Variants in CLIP2 observed in about 807,000 individuals in gnomAD.
CLIP2 encodes CAP-Gly domain-containing linker protein 2.
Under a neutral mutation model 111.7 loss-of-function variants are expected in CLIP2, and 41 were observed. The observed-to-expected ratio is 0.37, with a 90% CI of 0.29 to 0.48. The LOEUF is 0.48. Among genes scored for constraint, CLIP2 ranks in the 20% least tolerant of loss-of-function variants. The probability of loss-of-function intolerance (pLI) is 0.99; values close to 1 mark genes in which losing one functional copy is unlikely to be tolerated. For synonymous variants in CLIP2, 660 were observed against 644.2 expected (o/e 1.02, Z -0.37); for missense variants, 1,160 against 1,422.1 (o/e 0.82, Z 2.96).
intron 1 of CLIP2, among the ~76,000 whole-genome samples, chr7:74,302,102 C>CT (rs1554726957): frequency 6.6e-6 from 1 of 152,096 alleles, no homozygotes; most frequent in African/African-American, 2.4e-5. Context: ...CATGCCAACT[C>CT]TGTGTGTGTG....
Position 74,330,167 on chromosome 7 carries a change from G to A in CLIP2, c.122-8281G>A, listed in dbSNP as rs999838148. On this transcript the variant is annotated intron_variant, in intron 2 of 16. Transcript: ENST00000223398. ...TGATCTTGAACTCCTGGCCTCAAGC[G>A]ATCCTCCTGCCTCAGCCTCCTCAGT... Among the ~76,000 whole-genome samples the A allele has an allele frequency of 2.7e-5, 4 of 150,018 alleles. No homozygotes were observed. In the South Asian group the frequency reaches 6.4e-4, roughly 24 times the overall value.
At chr7:74,384,213 C>G (rs1169104402) in intron 11 of CLIP2, among the ~76,000 whole-genome samples, 2 of 151,838 alleles carry the variant, frequency 1.3e-5, no homozygotes, top group Admixed American at 1.3e-4. Context: ...GACAACAAAA[C>G]AAAACAAAAA....
chr7:74,357,397 C>G lies in CLIP2; in HGVS notation c.1135C>G (p.Arg379Gly), dbSNP rs781844593. 3 of 1,612,974 alleles carry G rather than the reference C, an allele frequency of 1.9e-6. No homozygotes were observed. Among genetic ancestry groups the G allele is most frequent in the Non-Finnish European group, 2.5e-6 (3 of 1,179,788 alleles). Residue 379 changes from arginine (R) to glycine (G), a missense_variant, in exon 6 of 17, where the codon CGG becomes GGG. Arg to Gly is a moderately radical substitution (Grantham distance 125). This residue lies in a region of CLIP2 where 70 missense variants were observed against 114.9 expected (regional missense o/e 0.61). Coordinates refer to ENST00000223398, the MANE Select transcript of CLIP2 (RefSeq NM_003388.5). ...EQLLAERDLE[R>G]AEVAKATSHI... ...GCTGCTGGCTGAACGAGACCTGGAA[C>G]GGGCTGAGGTGGCCAAGGCCACAAG...
chr7:74,389,337 A>G (rs1791210513), intron 13 of CLIP2, 78 bp downstream of exon 13: 4 of 1,406,052 alleles, frequency 2.8e-6, no homozygotes, highest in Non-Finnish European at 3.8e-6. Flanking sequence ...AGCTCATGTT[A>G]TCTTGGGGCA....
intron 16 of CLIP2, among the ~76,000 whole-genome samples, chr7:74,402,445 A>G (rs368881351): frequency 9.2e-5 from 14 of 152,174 alleles, no homozygotes; most frequent in African/African-American, 3.4e-4. Context: ...TGAACCTGGC[A>G]GGTGGAGGTT....
rs947161291 is a variant in CLIP2 at position 74,300,605 on chromosome 7, G to A, written c.-68+10871G>A. Among the ~76,000 whole-genome samples, 7 of 151,984 alleles carry A rather than the reference G, an allele frequency of 4.6e-5. No homozygotes were observed. In the South Asian group the frequency reaches 8.3e-4, roughly 18 times the overall value. On this transcript the variant is annotated intron_variant, in intron 1 of 16. Coordinates refer to ENST00000223398, the MANE Select transcript of CLIP2 (RefSeq NM_003388.5). ...CAAGTAGCTGGGACTACCGGCGCCCGCCACCACGCCCGGCTAATTTTTTTA... is the reference window on the plus strand; with the variant it reads ...CAAGTAGCTGGGACTACCGGCGCCCACCACCACGCCCGGCTAATTTTTTTA...
intron 13 of CLIP2, among the ~76,000 whole-genome samples, chr7:74,393,935 CCT>C (rs1317612889): frequency 1.3e-5 from 2 of 152,160 alleles, no homozygotes; most frequent in African/African-American, 4.8e-5. Context: ...CCCTCCCTCC[CCT>C]GTCTCCCATC....
At chr7:74,380,970 A>G (rs1790927254) in intron 11 of CLIP2, 107 bp downstream of exon 11, 1 of 1,067,888 alleles carries the variant, frequency 9.4e-7, no homozygotes, top group Non-Finnish European at 1.5e-6. Flanking sequence ...CCATTTGGTA[A>G]GAGTCACCTC....
chr7:74,317,754 C>T, intron 2 of CLIP2, 87 bp downstream of exon 2: 1 of 1,317,524 alleles, frequency 7.6e-7, no homozygotes, highest in Non-Finnish European at 9.8e-7. Context: ...GCACAGGCCA[C>T]TCTGTGACCA....
Position 74,357,264 on chromosome 7 carries a change from C to G in CLIP2, c.1018-16C>G. The G allele has an allele frequency of 6.2e-7, 1 of 1,613,066 alleles. No homozygotes were observed. Among genetic ancestry groups the G allele is most frequent in the South Asian group, 1.1e-5 (1 of 90,994 alleles). ...TCAGATCCCTGAGACCCGCCTGCAT[C>G]CACACCTTCCTGCAGCTCACGGAGA... is the stretch of plus-strand genomic sequence containing the variant. On this transcript the variant is annotated splice_polypyrimidine_tract_variant and intron_variant, in intron 5 of 16. Coordinates refer to ENST00000223398, the MANE Select transcript of CLIP2 (RefSeq NM_003388.5).
chr7:74,329,320 C>G lies in CLIP2; in HGVS notation c.122-9128C>G, dbSNP rs959510504. Among the ~76,000 whole-genome samples, 11 of 152,122 alleles carry G rather than the reference C, an allele frequency of 7.2e-5. 1 individual carries two copies. The East Asian group carries it at 2.1e-3, about 29-fold the overall frequency. On this transcript the variant is annotated intron_variant, in intron 2 of 16. Transcript: ENST00000223398. The stretch of plus-strand genomic sequence containing the variant: ...TCGGCCTCCCAGAGTGCTGGGATAA[C>G]AGACATGAGCCACCACACCCGGCCA...
chr7:74,341,292 A>G (rs1216476493), intron 3 of CLIP2, among the ~76,000 whole-genome samples: 1 of 152,024 alleles, frequency 6.6e-6, no homozygotes, highest in Non-Finnish European at 1.5e-5. Context: ...GGTTCAAGCA[A>G]TCCTCCTGCC....
At chr7:74,352,717 T>C (rs2116598298) in intron 3 of CLIP2, among the ~76,000 whole-genome samples, 1 of 86,696 alleles carries the variant, frequency 1.2e-5, no homozygotes, top group Admixed American at 1.2e-4. Context: ...AAAAAAATTT[T>C]TAGATATGGA....
At chr7:74,402,983 G>A (rs1441587695) in intron 16 of CLIP2, among the ~76,000 whole-genome samples, 2 of 152,018 alleles carry the variant, frequency 1.3e-5, no homozygotes, top group South Asian at 2.1e-4. Flanking sequence ...GGCCAAGGCA[G>A]GTGGATCACT....
chr7:74,341,334 C>T (rs1297538037), intron 3 of CLIP2, among the ~76,000 whole-genome samples: 1 of 151,870 alleles, frequency 6.6e-6, no homozygotes, highest in Admixed American at 6.6e-5. Flanking sequence ...GCTACAGGCA[C>T]GCACCATCAC....
chr7:74,293,510 GC>G (rs1468135151), intron 1 of CLIP2, among the ~76,000 whole-genome samples: 1 of 152,158 alleles, frequency 6.6e-6, no homozygotes, highest in Non-Finnish European at 1.5e-5. Context: ...GATTGGTCCA[GC>G]CTGGATGAGG....
At chr7:74,399,843 G>A (rs1791568789) in intron 14 of CLIP2, among the ~76,000 whole-genome samples, 1 of 151,222 alleles carries the variant, frequency 6.6e-6, no homozygotes. Context: ...CTCGGTCTCT[G>A]TCTCTTTTTT....
Position 74,323,968 on chromosome 7 carries a change from T to C in CLIP2, c.121+6301T>C, listed in dbSNP as rs572223948. 4.6e-5 allele frequency among the ~76,000 whole-genome samples: 7 copies of C among 152,294 alleles called. No homozygotes were observed. In the South Asian group the frequency reaches 8.3e-4, roughly 18 times the overall value. On this transcript the variant is annotated intron_variant, in intron 2 of 16. Coordinates refer to ENST00000223398, the MANE Select transcript of CLIP2 (RefSeq NM_003388.5). ...ATGACTGTATTTCCTTCCAGTCTTT[T>C]TTCCTATTACACAAGTTGTGGTTTT... is the stretch of plus-strand genomic sequence containing the variant.
In CLIP2 at chr7:74,289,602, G is replaced by T. The variant is rs1554725086; in HGVS notation, c.-200G>T. 4 of 151,956 alleles carry T rather than the reference G, an allele frequency of 2.6e-5. No homozygotes were observed. The East Asian group carries it at 7.7e-4, about 29-fold the overall frequency. 9.4% of individuals were successfully genotyped at this position (151,956 alleles called of 1,614,324 possible). A position where few individuals can be genotyped will look rare whatever the true frequency, so the allele number is the denominator to read the frequency against. On this transcript the variant is annotated 5_prime_UTR_variant, in exon 1 of 17. Transcript: ENST00000223398. ...GCGGGGATCCCCGGCGCCAGGAGGGGGTGCAGCCGGTGGGCAGCGCCGCGC... is the reference window on the plus strand; with the variant it reads ...GCGGGGATCCCCGGCGCCAGGAGGGTGTGCAGCCGGTGGGCAGCGCCGCGC...
Sources: allele counts gnomAD v4.1 joint callset (sites outside exome capture counted in the v4.1 genomes callset), GRCh38; gene constraint gnomAD v4.1.1; regional missense constraint gnomAD v4.1.1; transcripts MANE v1.5; gene names NCBI Gene and HGNC (gene_info 2026-07-23, HGNC 2026-07-21).